NUP58: variants seen among roughly 807,000 people sequenced by gnomAD.
NUP58 encodes the protein nucleoporin 58.
A neutral mutation model predicts 70.1 loss-of-function variants in NUP58; 17 were observed. The ratio of observed to expected loss-of-function variants is 0.24; its 90% confidence interval spans 0.17 to 0.36. The LOEUF (loss-of-function observed/expected upper bound fraction) is 0.36. Ranked by LOEUF, NUP58 falls within the 10% of genes least tolerant of loss-of-function variation. The probability of loss-of-function intolerance (pLI) is 1.00; values close to 1 mark genes in which losing one functional copy is unlikely to be tolerated. For synonymous variants in NUP58, 275 were observed against 257.6 expected, an observed-to-expected ratio of 1.07 and a Z score of -0.65; for missense variants, 644 against 701.5, an observed-to-expected ratio of 0.92 and a Z score of 0.93.
chr13:25,334,862 C>G, intron 13 of NUP58: 2 of 984,438 alleles, frequency 2.0e-6, no homozygotes, highest in African/African-American at 3.5e-5. Flanking sequence ...GAAGATTTCA[C>G]TTTGGCCAGT....
chr13:25,339,621 C>T (rs1298223684), intron 15 of NUP58, among the ~76,000 whole-genome samples: 2 of 152,124 alleles, frequency 1.3e-5, no homozygotes, highest in Non-Finnish European at 2.9e-5. Context: ...CTCTCTTCTA[C>T]ATGTTGATAA....
intron 1 of NUP58, among the ~76,000 whole-genome samples, chr13:25,302,383 CTGTTTT>C (rs1271429433): frequency 6.6e-6 from 1 of 152,090 alleles, no homozygotes; most frequent in African/African-American, 2.4e-5. Context: ...GGGACCTTAT[CTGTTTT>C]TGTTAAAAAA....
At chr13:25,309,978 A>C in intron 3 of NUP58, 1 of 395,348 alleles carries the variant, frequency 2.5e-6, no homozygotes, top group Non-Finnish European at 5.1e-6. Context: ...ACATCTGTTT[A>C]TCAGCAAAGT....
intron 1 of NUP58, among the ~76,000 whole-genome samples, chr13:25,305,839 G>A (rs924629843): frequency 1.3e-4 from 20 of 151,958 alleles, no homozygotes; most frequent in African/African-American, 4.6e-4. Context: ...AATTTGAGTG[G>A]CTTCTTAAGC....
intron 5 of NUP58, among the ~76,000 whole-genome samples, chr13:25,314,523 G>A (rs1368864763): frequency 1.3e-5 from 2 of 151,836 alleles, no homozygotes; most frequent in Admixed American, 6.6e-5. Flanking sequence ...TGGTGAAACC[G>A]CATCTCTACT....
At chr13:25,320,772 A>G in intron 8 of NUP58, 147 bp from the exon 9 acceptor site, 2 of 727,190 alleles carry the variant, frequency 2.8e-6, no homozygotes, top group Non-Finnish European at 4.3e-6. Context: ...AAAATTGTAT[A>G]ACTTCCATTC....
At chr13:25,305,154 T>TTTG (rs2137709101) in intron 1 of NUP58, among the ~76,000 whole-genome samples, 1 of 43,270 alleles carries the variant, frequency 2.3e-5, no homozygotes, top group African/African-American at 5.2e-5. Context: ...TTTTTTTTTT[T>TTTG]TTTTTTTGAG....
chr13:25,306,861 A>G (rs1358716137), intron 1 of NUP58, among the ~76,000 whole-genome samples: 1 of 152,184 alleles, frequency 6.6e-6, no homozygotes, highest in Non-Finnish European at 1.5e-5. Flanking sequence ...TAAGCTTTGC[A>G]CTGTGCTCTG....
At chr13:25,319,915 G>T (rs1387323477) in intron 7 of NUP58, among the ~76,000 whole-genome samples, 1 of 152,070 alleles carries the variant, frequency 6.6e-6, no homozygotes, top group Non-Finnish European at 1.5e-5. Context: ...AAATGAAGAA[G>T]ATTAGAGAAA....
At chr13:25,320,300 C>T in intron 7 of NUP58, 1 of 371,756 alleles carries the variant, frequency 2.7e-6, no homozygotes, top group Admixed American at 4.8e-5. Flanking sequence ...AGATGCCAAT[C>T]TTCTTAGATA....
In NUP58 at chr13:25,312,959, A is replaced by C; in HGVS notation, c.363A>C (p.Pro121=). ...ATAAACCTGCAGCATCTGCCACACC[A>C]TTTGCTCTACCTATTACCTCTACCT... ...GFNKPAASAT[P]FALPITSTSA... is the part of the protein sequence containing the mutation. The change falls in exon 4 of 16, where the codon CCA becomes CCC. Residue 121 remains proline (P), a synonymous_variant. Coordinates refer to ENST00000381736, the MANE Select transcript of NUP58 (RefSeq NM_014089.4). 1 of 1,614,114 alleles carries C rather than the reference A, an allele frequency of 6.2e-7. No individual in the cohort carries two copies. Among genetic ancestry groups the C allele is most frequent in the Non-Finnish European group, 8.5e-7 (1 of 1,180,020 alleles).
chr13:25,321,198 T>TA, intron 9 of NUP58, 105 bp downstream of exon 9: 1 of 934,778 alleles, frequency 1.1e-6, no homozygotes, highest in Non-Finnish European at 1.6e-6. Context: ...TGAAATTTGA[T>TA]ACATGCATAC....
downstream of NUP58, among the ~76,000 whole-genome samples, chr13:25,344,283 G>T (rs932086496): frequency 1.3e-5 from 2 of 152,074 alleles, no homozygotes; most frequent in Non-Finnish European, 2.9e-5. Flanking sequence ...ATCCCGCCTT[G>T]ACCATGTGTG....
chr13:25,309,460 G>A (rs1218587216), intron 3 of NUP58, 178 bp downstream of exon 3: 5 of 504,454 alleles, frequency 9.9e-6, no homozygotes, highest in African/African-American at 2.0e-5. Flanking sequence ...GTGAAAAAAA[G>A]GAATGACTTC....
In NUP58 at chr13:25,313,726, C is replaced by G; in HGVS notation, c.549C>G (p.Phe183Leu). The G allele has an allele frequency of 6.5e-7, 1 of 1,531,990 alleles. No individual in the cohort carries two copies. The highest frequency in any genetic ancestry group is 8.7e-7 in the Non-Finnish European group (1 of 1,152,340). 94.9% of individuals were successfully genotyped at this position (1,531,990 alleles called of 1,614,324 possible). Residue 183 changes from phenylalanine to leucine, a missense_variant, in exon 5 of 16, where the codon TTC (phenylalanine) becomes TTG (leucine). By Grantham distance (22) the Phe-to-Leu change is conservative (BLOSUM62 0). Transcript: ENST00000381736. Reference sequence around the variant, plus strand: ...TAGCTGGTTTGGGAGGTTCACTTTTCCAGAGTACAAACACAGGAACATCAG... The same window carrying G: ...TAGCTGGTTTGGGAGGTTCACTTTTGCAGAGTACAAACACAGGAACATCAG... ...GALAGLGGSL[F>L]QSTNTGTSGL...
chr13:25,330,928 T>TC (rs1488767961), intron 12 of NUP58, among the ~76,000 whole-genome samples: 1 of 152,158 alleles, frequency 6.6e-6, no homozygotes, highest in Non-Finnish European at 1.5e-5. Flanking sequence ...GACTTTTTTT[T>TC]CTTTCTTTTT....
chr13:25,325,086 T>TA lies in NUP58; in HGVS notation c.1031+23dup. ...CCTGCTGAGTAAGTTGCTGGATTTT[T>TA]AAAAACAAATGTTTCTCACTTTCAG... On this transcript the variant is annotated intron_variant, in intron 10 of 15. Coordinates refer to ENST00000381736, the MANE Select transcript of NUP58 (RefSeq NM_014089.4). 1 of 1,543,572 alleles carries TA rather than the reference T, an allele frequency of 6.5e-7. No individual in the cohort carries two copies. The highest frequency in any genetic ancestry group is 8.9e-7 in the Non-Finnish European group (1 of 1,122,938).
At chr13:25,339,385 C>T (rs2031887643) in intron 15 of NUP58, among the ~76,000 whole-genome samples, 1 of 151,968 alleles carries the variant, frequency 6.6e-6, no homozygotes, top group Non-Finnish European at 1.5e-5. Flanking sequence ...ATCAGCAGTT[C>T]CAGTGGAGGA....
chr13:25,329,326 T>C (rs576913515), intron 12 of NUP58, among the ~76,000 whole-genome samples: 2 of 152,180 alleles, frequency 1.3e-5, no homozygotes, highest in Non-Finnish European at 2.9e-5. Context: ...GATGCTTTTT[T>C]TCCCCCCACG....
Sources: allele counts gnomAD v4.1 joint callset (sites outside exome capture counted in the v4.1 genomes callset), GRCh38; gene constraint gnomAD v4.1.1; transcripts MANE v1.5; gene names NCBI Gene and HGNC (gene_info 2026-07-23, HGNC 2026-07-21).